The following ALS2 variants were observed in gnomAD, a reference collection of about 807,000 sequenced individuals.
ALS2 encodes alsin Rho guanine nucleotide exchange factor ALS2.
A neutral mutation model predicts 203.4 loss-of-function variants in ALS2; 117 were observed. The ratio of observed to expected loss-of-function variants is 0.58; its 90% CI spans 0.50 to 0.67. ALS2 has a LOEUF of 0.67. ALS2 is among the 30% of genes least tolerant of loss of function. The probability of loss-of-function intolerance (pLI) is 0.00; values close to 1 mark genes in which losing one functional copy is unlikely to be tolerated. For missense variants in ALS2, 1,715 were observed against 1,989.4 expected (o/e 0.86, Z 2.62); for synonymous variants, 718 against 725.9 (o/e 0.99, Z 0.17).
rs772765604 is a variant in ALS2 at position 201,761,143 on chromosome 2, T to G, written c.851A>C (p.Asp284Ala). 1 of 1,614,226 alleles carries G rather than the reference T, an allele frequency of 6.2e-7. No homozygotes were observed. Among genetic ancestry groups the G allele is most frequent in the Admixed American group, 1.7e-5 (1 of 60,026 alleles). The part of the protein sequence containing the change: ...TALSPSTETL[D>A]RQEEVFENTL... ...GTTCTCAAATACTTCTTCCTGCCTG[T>G]CAAGGGTTTCAGTGGAGGGGCTGAG... The change falls in exon 4 of 34, where the codon GAC (aspartate) becomes GCC (alanine). Residue 284 changes from aspartate (D) to alanine (A), a missense_variant. By Grantham distance (126) the Asp-to-Ala change is moderately radical. Around this residue, in one of 3 missense-constraint regions of ALS2, gnomAD observed 476 missense variants for 539.3 expected, o/e 0.88. Transcript: ENST00000264276.
rs762372365 is a variant in ALS2 at position 201,709,960 on chromosome 2, C to A, written c.4201G>T (p.Val1401Leu). The A allele has an allele frequency of 1.9e-6, 3 of 1,614,118 alleles. No homozygotes were observed. In the South Asian group the frequency reaches 3.3e-5, roughly 18 times the overall value. Residue 1401 changes from valine to leucine, a missense_variant, in exon 27 of 34, where the codon GTA (valine) becomes TTA (leucine). By Grantham distance (32) the Val-to-Leu change is conservative (BLOSUM62 1). Coordinates refer to ENST00000264276, the MANE Select transcript of ALS2 (RefSeq NM_020919.4). The part of the protein sequence containing the change: ...VAVYRMTYVG[V>L]GANRRLLQEA... ...TGCAATAACCTGCGGTTGGCTCCTA[C>A]GCCCACGTATGTCATTCTATACACT...
chr2:201,747,902 C>A (rs1291289365), intron 8 of ALS2, among the ~76,000 whole-genome samples: 2 of 152,198 alleles, frequency 1.3e-5, no homozygotes, highest in African/African-American at 4.8e-5. Context: ...GCTCTAGGCC[C>A]CCACTCCATC....
intron 23 of ALS2, among the ~76,000 whole-genome samples, chr2:201,721,466 T>G (rs1374378078): frequency 1.3e-5 from 2 of 152,200 alleles, no homozygotes; most frequent in Non-Finnish European, 2.9e-5. Flanking sequence ...AGAGACATGT[T>G]TATCAGTGAA....
At chr2:201,762,114 G>A (rs1051401343) in intron 3 of ALS2, among the ~76,000 whole-genome samples, 2 of 152,012 alleles carry the variant, frequency 1.3e-5, no homozygotes, top group East Asian at 3.9e-4. Context: ...CACTCCTAAC[G>A]GCCATCATCC....
rs1693749845 is a variant in ALS2, at chr2:201,761,243, T to C, written c.751A>G (p.Ile251Val). 1.2e-6 allele frequency: 2 copies of C among 1,614,188 alleles called. No individual in the cohort carries two copies. The highest frequency in any genetic ancestry group is 2.2e-5 in the South Asian group (2 of 91,074). ...TMTDKEDHVI[I>V]SDSHCCPLGV... ...AATGGGCAACAATGACTGTCTGATA[T>C]AATCACATGGTCTTCTTTGTCAGTC... The change falls in exon 4 of 34, where the codon ATA (isoleucine) becomes GTA (valine). Residue 251 changes from isoleucine to valine, a missense_variant. By Grantham distance (29) the Ile-to-Val change is conservative. Transcript: ENST00000264276.
intron 7 of ALS2, 135 bp from the exon 8 acceptor site, chr2:201,749,924 C>T: frequency 1.4e-6 from 1 of 735,150 alleles, no homozygotes; most frequent in Non-Finnish European, 2.4e-6. Context: ...TAGTCTTTCA[C>T]TCTTTAACAG....
chr2:201,772,524 A>G (rs752433966), intron 1 of ALS2, among the ~76,000 whole-genome samples: 1 of 152,240 alleles, frequency 6.6e-6, no homozygotes, highest in East Asian at 1.9e-4. Flanking sequence ...ATATTCATAC[A>G]TCGTGTTGTA....
In ALS2 at chr2:201,754,509, A is replaced by AGTT. The variant is rs762029514; in HGVS notation, c.1633_1634insAAC (p.Val544_Leu545insGln). ...AAATGTTGGTAGCGCTTACCTAGGC[A>AGTT]GAACATCGCCGTGCCCCAGCTGCCC... On this transcript the variant is annotated inframe_insertion, in exon 6 of 34. Coordinates refer to ENST00000264276, the MANE Select transcript of ALS2 (RefSeq NM_020919.4). 3.1e-6 allele frequency: 5 copies of AGTT among 1,614,128 alleles called. No individual in the cohort carries two copies. Among genetic ancestry groups the AGTT allele is most frequent in the Non-Finnish European group, 4.2e-6 (5 of 1,179,986 alleles).
At chr2:201,746,873 A>G in intron 8 of ALS2, 125 bp from the exon 9 acceptor site, 1 of 1,047,836 alleles carries the variant, frequency 9.5e-7, no homozygotes, top group South Asian at 1.3e-5. Context: ...TCTGAGAGCA[A>G]ACTTACCCAG....
At chr2:201,713,937 A>G (rs546473084) in intron 25 of ALS2, among the ~76,000 whole-genome samples, 1 of 152,304 alleles carries the variant, frequency 6.6e-6, no homozygotes, top group South Asian at 2.1e-4. Flanking sequence ...CCTATGGAGA[A>G]TGTTGACATT....
intron 6 of ALS2, among the ~76,000 whole-genome samples, chr2:201,753,804 C>CA (rs911454203): frequency 1.3e-5 from 2 of 151,696 alleles, no homozygotes; most frequent in African/African-American, 2.4e-5. Flanking sequence ...AAAAACAAAA[C>CA]AAAAAAAACT....
intron 28 of ALS2, among the ~76,000 whole-genome samples, chr2:201,707,621 G>A (rs1010796193): frequency 2.8e-4 from 42 of 151,676 alleles, no homozygotes; most frequent in African/African-American, 9.9e-4. Context: ...GTAGAGATGG[G>A]GTCTCCCTAT....
intron 17 of ALS2, 95 bp downstream of exon 17, chr2:201,727,117 T>C (rs1691226164): frequency 1.7e-6 from 2 of 1,176,666 alleles, no homozygotes; most frequent in Non-Finnish European, 2.6e-6. Flanking sequence ...TGTGCATCAT[T>C]AGTCAAGCAA....
chr2:201,737,342 C>G (rs1226854019), intron 12 of ALS2, among the ~76,000 whole-genome samples: 1 of 152,046 alleles, frequency 6.6e-6, no homozygotes, highest in Non-Finnish European at 1.5e-5. Context: ...TGGAGTCAAT[C>G]CCTCATGGGT....
At chr2:201,704,019 G>T in intron 33 of ALS2, 103 bp downstream of exon 33, 3 of 940,124 alleles carry the variant, frequency 3.2e-6, no homozygotes, top group Non-Finnish European at 5.0e-6. Context: ...TTTAAGGTTT[G>T]CATTAAACTT....
intron 1 of ALS2, among the ~76,000 whole-genome samples, chr2:201,772,850 A>ATTTTTTTTTTTTTTTTTTTTTTTTTTTT (rs578253808): frequency 1.8e-5 from 2 of 108,846 alleles, no homozygotes; most frequent in Non-Finnish European, 1.7e-5. Flanking sequence ...TGCTTTCATG[A>ATTTTTTTTTTTTTTTTTTTTTTTTTTTT]TTTTTTTTTT....
chr2:201,708,554 C>T (rs1490329588), intron 27 of ALS2, among the ~76,000 whole-genome samples: 1 of 152,166 alleles, frequency 6.6e-6, no homozygotes, highest in Non-Finnish European at 1.5e-5. Flanking sequence ...CTCCCACACA[C>T]ACTCCCCGCT....
intron 33 of ALS2, among the ~76,000 whole-genome samples, chr2:201,702,728 G>C (rs1689466035): frequency 6.6e-6 from 1 of 152,172 alleles, no homozygotes; most frequent in Admixed American, 6.5e-5. Flanking sequence ...TCTGTTTAGA[G>C]ATACTCTTCA....
chr2:201,760,635 C>T (rs1429724867), intron 4 of ALS2: 7 of 1,298,910 alleles, frequency 5.4e-6, no homozygotes, highest in Non-Finnish European at 6.8e-6. Context: ...ATGAAATGCT[C>T]CTACTTATAA....
Sources: gnomAD v4.1 joint callset for allele counts (sites outside exome capture counted in the v4.1 genomes callset) on GRCh38, gnomAD v4.1.1 for gene constraint, gnomAD v4.1.1 regional missense constraint, MANE v1.5 for transcripts, NCBI Gene and HGNC (gene_info 2026-07-23, HGNC 2026-07-21) for gene names.